The following ROBO2 variants were observed in gnomAD, a reference collection of about 807,000 sequenced individuals.
The protein encoded by ROBO2 is roundabout guidance receptor 2.
A neutral mutation model predicts 160.8 loss-of-function variants in ROBO2; 53 were observed. That is an observed-to-expected ratio of 0.33 (90% confidence interval 0.26 to 0.41). The LOEUF is 0.41. Among genes scored for constraint, ROBO2 ranks in the 10% least tolerant of loss-of-function variants. The pLI, the probability that ROBO2 is intolerant of heterozygous loss-of-function variation, is 1.00. For synonymous variants in ROBO2, 664 were observed against 611.7 expected (o/e 1.09, Z -1.26); for missense variants, 1,577 against 1,722.4 (o/e 0.92, Z 1.49).
intron 1 of ROBO2, among the ~76,000 whole-genome samples, chr3:75,921,913 A>G (rs1398792326): frequency 5.3e-5 from 8 of 152,100 alleles, no homozygotes; most frequent in South Asian, 2.1e-4. Context: ...ACATTTCAGA[A>G]CCAAAAACAG....
chr3:76,108,346 G>A (rs1214662334), intron 2 of ROBO2, among the ~76,000 whole-genome samples: 2 of 151,760 alleles, frequency 1.3e-5, no homozygotes, highest in African/African-American at 4.8e-5. Context: ...TAGAAAAATT[G>A]GAATTCAAAT....
At chr3:76,284,190 G>A (rs566082174) in intron 2 of ROBO2, among the ~76,000 whole-genome samples, 179 of 151,984 alleles carry the variant, frequency 1.2e-3, no homozygotes, top group Non-Finnish European at 2.3e-3. Context: ...ATAAGCTAGC[G>A]TACACATATA....
chr3:77,331,690 T>TTTAA (rs1217894042), intron 2 of ROBO2, among the ~76,000 whole-genome samples: 2 of 102,578 alleles, frequency 1.9e-5, no homozygotes, highest in Non-Finnish European at 5.0e-5. Context: ...GGCCTATTTA[T>TTTAA]TTACTTATTT....
chr3:77,487,152 C>A (rs1014907687), intron 4 of ROBO2, among the ~76,000 whole-genome samples: 1 of 151,994 alleles, frequency 6.6e-6, no homozygotes, highest in African/African-American at 2.4e-5. Flanking sequence ...TCCTTAGGAC[C>A]CACACCTTAA....
chr3:77,063,809 T>C (rs1444435736), intron 1 of ROBO2, among the ~76,000 whole-genome samples: 2 of 152,230 alleles, frequency 1.3e-5, no homozygotes, highest in Admixed American at 6.5e-5. Context: ...TGGTTTCCAT[T>C]GGTTTTGCTG....
chr3:77,574,441 A>G (rs552167612), intron 13 of ROBO2, 58 bp from the exon 15 acceptor site: 2 of 1,408,204 alleles, frequency 1.4e-6, no homozygotes, highest in East Asian at 4.6e-5. Flanking sequence ...GGACAAATTC[A>G]TTGTGTTGTC....
In ROBO2 at chr3:76,543,935, G is replaced by A. The variant is rs185285799; in HGVS notation, c.110-554079G>A. ...TATGCTCCTCAGTCGATCTTCAGGGGAAAAATATGCTAGAATAATCCTTGG... is the reference window on the plus strand; with the variant it reads ...TATGCTCCTCAGTCGATCTTCAGGGAAAAAATATGCTAGAATAATCCTTGG... On this transcript the variant is annotated intron_variant, in intron 2 of 26. Coordinates refer to the ROBO2 transcript ENST00000487694. Among the ~76,000 whole-genome samples, 144 of 151,998 alleles carry A rather than the reference G, an allele frequency of 9.5e-4. 1 individual carries two copies. The highest frequency in any genetic ancestry group is 3.3e-3 in the African/African-American group (138 of 41,460).
chr3:76,766,709 G>A (rs1316673187), intron 2 of ROBO2, among the ~76,000 whole-genome samples: 2 of 151,536 alleles, frequency 1.3e-5, no homozygotes, highest in East Asian at 2.0e-4. Flanking sequence ...AGTTGGGGGT[G>A]GAGTGCTAAT....
chr3:76,228,372 GT>G (rs1260425135), intron 2 of ROBO2, among the ~76,000 whole-genome samples: 1 of 152,080 alleles, frequency 6.6e-6, no homozygotes, highest in African/African-American at 2.4e-5. Flanking sequence ...CAGAAACTTG[GT>G]GCATTTATCA....
At chr3:77,086,439 T>C (rs2149979604) in intron 1 of ROBO2, among the ~76,000 whole-genome samples, 1 of 152,234 alleles carries the variant, frequency 6.6e-6, no homozygotes, top group Admixed American at 6.5e-5. Context: ...AAAAGAAATT[T>C]CAAGTCAGTC....
intron 2 of ROBO2, among the ~76,000 whole-genome samples, chr3:76,573,045 T>G (rs1360025571): frequency 6.6e-6 from 1 of 152,164 alleles, no homozygotes; most frequent in Non-Finnish European, 1.5e-5. Context: ...TTTGTTGGGC[T>G]CATTTTTTAA....
intron 2 of ROBO2, among the ~76,000 whole-genome samples, chr3:76,620,993 A>C (rs1407861857): frequency 6.6e-6 from 1 of 152,174 alleles, no homozygotes; most frequent in Non-Finnish European, 1.5e-5. Flanking sequence ...AAAGTCACTT[A>C]TGTGCACGGC....
chr3:76,505,596 G>A (rs184817632), intron 2 of ROBO2, among the ~76,000 whole-genome samples: 32 of 152,246 alleles, frequency 2.1e-4, no homozygotes, highest in Non-Finnish European at 4.1e-4. Flanking sequence ...ACACAGAAAC[G>A]GGTGTTCTAC....
chr3:76,510,941 G>A (rs1199417339), intron 2 of ROBO2, among the ~76,000 whole-genome samples: 1 of 152,132 alleles, frequency 6.6e-6, no homozygotes, highest in Non-Finnish European at 1.5e-5. Context: ...TGGAATGGTT[G>A]CAGAAATTTA....
intron 5 of ROBO2, among the ~76,000 whole-genome samples, chr3:77,521,554 A>G (rs2090599058): frequency 6.6e-6 from 1 of 151,286 alleles, no homozygotes; most frequent in African/African-American, 2.4e-5. Flanking sequence ...ACCACTTATG[A>G]CATATTTAAT....
intron 2 of ROBO2, among the ~76,000 whole-genome samples, chr3:76,798,877 A>G (rs1045699958): frequency 2.7e-5 from 4 of 145,546 alleles, no homozygotes; most frequent in African/African-American, 1.1e-4. Flanking sequence ...TGGGTGACAG[A>G]GTGAGACCTT....
At chr3:76,402,526 A>T (rs145179331) in intron 2 of ROBO2, among the ~76,000 whole-genome samples, 16 of 151,728 alleles carry the variant, frequency 1.1e-4, no homozygotes, top group African/African-American at 3.9e-4. Flanking sequence ...TCTGCAGGTA[A>T]CAACTCTGCT....
intron 2 of ROBO2, among the ~76,000 whole-genome samples, chr3:76,314,734 A>G (rs1012591897): frequency 6.6e-6 from 1 of 152,176 alleles, no homozygotes; most frequent in Non-Finnish European, 1.5e-5. Context: ...AATACAGTAT[A>G]TAATACATAT....
chr3:76,326,547 A>G (rs1422975502), intron 2 of ROBO2, among the ~76,000 whole-genome samples: 1 of 152,192 alleles, frequency 6.6e-6, no homozygotes, highest in Non-Finnish European at 1.5e-5. Context: ...TGCATATATT[A>G]TATTGCATAA....
Sources: allele counts gnomAD v4.1 joint callset (sites outside exome capture counted in the v4.1 genomes callset), GRCh38; gene constraint gnomAD v4.1.1; transcripts MANE v1.5; gene names NCBI Gene and HGNC (gene_info 2026-07-23, HGNC 2026-07-21).